The following CPN1 variants were observed in gnomAD, a reference collection of about 807,000 sequenced individuals.
CPN1 encodes the protein carboxypeptidase N catalytic chain.
A neutral mutation model predicts 46.4 loss-of-function variants in CPN1; 37 were observed. The ratio of observed to expected loss-of-function variants is 0.80; its 90% CI spans 0.61 to 1.05. CPN1 has a LOEUF of 1.05. CPN1 is among the 50% of genes least tolerant of loss of function. The pLI is 0.00. For synonymous variants in CPN1, 224 were observed against 235.4 expected, an observed-to-expected ratio of 0.95 and a Z score of 0.44; for missense variants, 563 against 602.6, an observed-to-expected ratio of 0.93 and a Z score of 0.69.
chr10:100,043,088 T>C (rs1447090909), intron 8 of CPN1, among the ~76,000 whole-genome samples: 17 of 104,820 alleles, frequency 1.6e-4, no homozygotes, highest in African/African-American at 5.8e-4. Context: ...CGAGACTCCA[T>C]CTCAAAAAAA....
intron 5 of CPN1, among the ~76,000 whole-genome samples, chr10:100,061,037 T>C (rs1436499212): frequency 6.9e-6 from 1 of 144,326 alleles, no homozygotes; most frequent in Non-Finnish European, 1.5e-5. Flanking sequence ...AAAATTTAAA[T>C]AATTGAACTC....
At chr10:100,073,677 G>A (rs1041369252) in intron 2 of CPN1, among the ~76,000 whole-genome samples, 8 of 148,382 alleles carry the variant, frequency 5.4e-5, no homozygotes, top group Admixed American at 2.7e-4. Flanking sequence ...GTGCAATGGC[G>A]TGATCTCAGC....
intron 1 of CPN1, among the ~76,000 whole-genome samples, chr10:100,078,985 G>C (rs2041529901): frequency 6.6e-6 from 1 of 152,212 alleles, no homozygotes; most frequent in Non-Finnish European, 1.5e-5. Flanking sequence ...CCAGAGCATT[G>C]CCTTTGCTCT....
At chr10:100,053,912 A>C (rs1052779790) in intron 7 of CPN1, among the ~76,000 whole-genome samples, 2 of 152,244 alleles carry the variant, frequency 1.3e-5, no homozygotes, top group Middle Eastern at 3.4e-3. Context: ...TTCCCAATGG[A>C]GGTGTAGGGA....
chr10:100,073,179 T>A (rs1367109665), intron 2 of CPN1, among the ~76,000 whole-genome samples: 4 of 152,252 alleles, frequency 2.6e-5, no homozygotes, highest in Non-Finnish European at 5.9e-5. Flanking sequence ...GAAGTTCCTT[T>A]AAGTTTCCTA....
chr10:100,044,417 C>T (rs1011708222), intron 8 of CPN1, among the ~76,000 whole-genome samples: 1 of 152,172 alleles, frequency 6.6e-6, no homozygotes, highest in Non-Finnish European at 1.5e-5. Flanking sequence ...CTCTGTCATC[C>T]AGGCTGGAGT....
chr10:100,076,023 A>G lies in CPN1; in HGVS notation c.308T>C (p.Leu103Pro), dbSNP rs2041512542. Residue 103 changes from leucine (L) to proline (P), a missense_variant, in exon 2 of 9, where the codon CTG becomes CCG. Physicochemically the swap from Leu to Pro is moderately conservative, Grantham distance 98. Transcript: ENST00000370418. ...GTTCCTGTTCCGGAACTCCTCGCAC[A>G]GAAACTCCGACAGCTGCAGCATCAG... Reference protein sequence around the residue: ...RELMLQLSEFLCEEFRNRNQR... With the variant: ...RELMLQLSEFPCEEFRNRNQR... 1.9e-6 allele frequency: 3 copies of G among 1,614,070 alleles called. No individual in the cohort carries two copies. Among genetic ancestry groups the G allele is most frequent in the Admixed American group, 1.7e-5 (1 of 59,994 alleles).
rs777794294 is a variant in CPN1, at chr10:100,042,482, G to A, written c.1322C>T (p.Pro441Leu). Residue 441 changes from proline (P) to leucine (L), a missense_variant, in exon 9 of 9, where the codon CCC becomes CTC. By Grantham distance (98) the Pro-to-Leu change is moderately conservative. Coordinates refer to ENST00000370418, the MANE Select transcript of CPN1 (RefSeq NM_001308.3). ...CTCCATTTCTTTCTTTCTGGCTTGG[G>A]GCTGCACTTTGGCTCTGACTCCGTG... ...RRHGVRAKVQ[P>L]QARKKEMEMR... 5.6e-6 allele frequency: 9 copies of A among 1,613,766 alleles called. No individual in the cohort carries two copies. Among genetic ancestry groups the A allele is most frequent in the Non-Finnish European group, 5.9e-6 (7 of 1,180,016 alleles).
chr10:100,069,776 A>AG lies in CPN1; in HGVS notation c.513dup (p.Tyr172LeufsTer2). 6.2e-7 allele frequency: 1 copy of AG among 1,613,912 alleles called. No individual in the cohort carries two copies. Among genetic ancestry groups the AG allele is most frequent in the Non-Finnish European group, 8.5e-7 (1 of 1,180,002 alleles). ...TTGGGGCCTCCGTACTTCTCGTTAT[A>AG]GTAGATATAGGTATTGAGATCAGGG... On this transcript the variant is annotated frameshift_variant, in exon 3 of 9. Coordinates refer to ENST00000370418, the MANE Select transcript of CPN1 (RefSeq NM_001308.3). LOFTEE classifies it high-confidence loss of function.
At chr10:100,062,318 T>C (rs1026051803) in intron 5 of CPN1, among the ~76,000 whole-genome samples, 7 of 152,178 alleles carry the variant, frequency 4.6e-5, no homozygotes, top group Non-Finnish European at 7.3e-5. Flanking sequence ...AGAAGTCTCT[T>C]GTGGAGGTTT....
chr10:100,068,216 T>TC (rs1373680934), intron 3 of CPN1, among the ~76,000 whole-genome samples: 1 of 135,226 alleles, frequency 7.4e-6, no homozygotes, highest in East Asian at 2.0e-4. Flanking sequence ...CCCTGAACTT[T>TC]TTTTTTTTTT....
chr10:100,078,076 T>A (rs1479755543), intron 1 of CPN1, among the ~76,000 whole-genome samples: 1 of 152,102 alleles, frequency 6.6e-6, no homozygotes, highest in Non-Finnish European at 1.5e-5. Flanking sequence ...GACAGGGTCT[T>A]GCTCAGTCAT....
chr10:100,044,248 G>GA (rs2041295462), intron 8 of CPN1, among the ~76,000 whole-genome samples: 2 of 151,854 alleles, frequency 1.3e-5, no homozygotes, highest in South Asian at 2.1e-4. Context: ...AATCTAGACA[G>GA]AAAAAAATGA....
chr10:100,056,969 A>T, intron 6 of CPN1, 44 bp downstream of exon 6: 2 of 1,613,822 alleles, frequency 1.2e-6, no homozygotes, highest in South Asian at 2.2e-5. Flanking sequence ...ATTGAGAAGC[A>T]CTTCTCTTTT....
chr10:100,081,332 C>T, intron 1 of CPN1, 71 bp downstream of exon 1: 1 of 1,392,090 alleles, frequency 7.2e-7, no homozygotes, highest in East Asian at 2.5e-5. Flanking sequence ...ACCCCAGAAA[C>T]CACTCCAATT....
chr10:100,074,818 G>A (rs1011311100), intron 2 of CPN1, among the ~76,000 whole-genome samples: 1 of 152,204 alleles, frequency 6.6e-6, no homozygotes, highest in Non-Finnish European at 1.5e-5. Context: ...CAGTAGGCCT[G>A]CGGTGGGACC....
chr10:100,063,485 T>C, intron 5 of CPN1, 129 bp downstream of exon 5: 1 of 762,510 alleles, frequency 1.3e-6, no homozygotes, highest in Non-Finnish European at 2.3e-6. Context: ...ACTTCCTCAT[T>C]TTCCAGATCT....
intron 5 of CPN1, among the ~76,000 whole-genome samples, chr10:100,062,596 T>C (rs569853543): frequency 8.6e-6 from 1 of 116,328 alleles, no homozygotes; most frequent in East Asian, 2.3e-4. Flanking sequence ...AAGTATTCTT[T>C]CTTTTTTTTT....
chr10:100,057,961 A>G (rs986378439), intron 5 of CPN1, among the ~76,000 whole-genome samples: 14 of 152,138 alleles, frequency 9.2e-5, no homozygotes, highest in African/African-American at 3.4e-4. Flanking sequence ...CCTCCCAAAC[A>G]TTTATCATTT....
Sources: allele counts gnomAD v4.1 joint callset (sites outside exome capture counted in the v4.1 genomes callset), GRCh38; gene constraint gnomAD v4.1.1; transcripts MANE v1.5; gene names NCBI Gene and HGNC (gene_info 2026-07-23, HGNC 2026-07-21).